EXOC6B: variants seen among roughly 807,000 people sequenced by gnomAD.
EXOC6B encodes the protein SEC15 homolog B.
A neutral mutation model predicts 113.5 loss-of-function variants in EXOC6B; 54 were observed. The ratio of observed to expected loss-of-function variants is 0.48; its 90% CI spans 0.38 to 0.60. EXOC6B has a LOEUF of 0.60. EXOC6B is among the 20% of genes least tolerant of loss of function. The probability of loss-of-function intolerance (pLI) is 0.00; values close to 1 mark genes in which losing one functional copy is unlikely to be tolerated. For synonymous variants in EXOC6B, 357 were observed against 339.0 expected, an observed-to-expected ratio of 1.05 and a Z score of -0.58; for missense variants, 797 against 977.5, an observed-to-expected ratio of 0.82 and a Z score of 2.46.
intron 20 of EXOC6B, among the ~76,000 whole-genome samples, chr2:72,270,737 A>G (rs1373031456): frequency 6.6e-6 from 1 of 151,950 alleles, no homozygotes; most frequent in Non-Finnish European, 1.5e-5. Flanking sequence ...TTAATAATTT[A>G]TTGAAATTAA....
At chr2:72,477,759 C>T (rs949319607) in intron 17 of EXOC6B, among the ~76,000 whole-genome samples, 9 of 152,174 alleles carry the variant, frequency 5.9e-5, no homozygotes, top group Admixed American at 6.5e-5. Flanking sequence ...CAGACTGACC[C>T]CCTTACTATT....
At chr2:72,816,019 C>T (rs1454095918) in intron 1 of EXOC6B, among the ~76,000 whole-genome samples, 4 of 152,116 alleles carry the variant, frequency 2.6e-5, no homozygotes, top group Admixed American at 6.6e-5. Context: ...ATCAGCCGGG[C>T]GTGGTGATGG....
At chr2:72,314,748 G>A (rs749263337) in intron 20 of EXOC6B, among the ~76,000 whole-genome samples, 4 of 152,074 alleles carry the variant, frequency 2.6e-5, no homozygotes, top group Non-Finnish European at 5.9e-5. Context: ...TTAATGGTAC[G>A]GTAGCTTGCT....
At chr2:72,429,085 T>C (rs1695376369) in intron 18 of EXOC6B, among the ~76,000 whole-genome samples, 1 of 152,248 alleles carries the variant, frequency 6.6e-6, no homozygotes, top group Non-Finnish European at 1.5e-5. Flanking sequence ...AAACAAATTA[T>C]CTTTACCTTT....
intron 19 of EXOC6B, among the ~76,000 whole-genome samples, chr2:72,359,449 A>C (rs1347001338): frequency 6.6e-6 from 1 of 152,066 alleles, no homozygotes; most frequent in Non-Finnish European, 1.5e-5. Flanking sequence ...CTCACCAGAC[A>C]CTAAACCCGA....
At chr2:72,455,141 C>A (rs1476501903) in intron 18 of EXOC6B, among the ~76,000 whole-genome samples, 1 of 152,086 alleles carries the variant, frequency 6.6e-6, no homozygotes, top group Non-Finnish European at 1.5e-5. Context: ...CCTAAAGGAT[C>A]TGATGCCTCT....
At chr2:72,642,852 C>T (rs1673368719) in intron 6 of EXOC6B, among the ~76,000 whole-genome samples, 1 of 150,712 alleles carries the variant, frequency 6.6e-6, no homozygotes, top group African/African-American at 2.5e-5. Flanking sequence ...AGAAAATTTT[C>T]ACAACCTACT....
Position 72,635,981 on chromosome 2 carries a change from C to T in EXOC6B, c.670-60313G>A, listed in dbSNP as rs1029152068. ...GGAAATCTAAAGAAGAAAAATGAGGCCAAGGCAGTAGGATTACTTGAGGCC... is the reference window on the plus strand; with the variant it reads ...GGAAATCTAAAGAAGAAAAATGAGGTCAAGGCAGTAGGATTACTTGAGGCC... On this transcript the variant is annotated intron_variant, in intron 6 of 21. Transcript: ENST00000272427. 1.1e-3 allele frequency among the ~76,000 whole-genome samples: 161 copies of T among 151,910 alleles called. 3 individuals carry two copies. The highest frequency in any genetic ancestry group is 3.2e-4 in the Non-Finnish European group (22 of 67,958).
chr2:72,385,886 G>A (rs1374102077), intron 18 of EXOC6B, among the ~76,000 whole-genome samples: 1 of 152,126 alleles, frequency 6.6e-6, no homozygotes, highest in Non-Finnish European at 1.5e-5. Context: ...ATGTGGAGAA[G>A]AGGGAACCTT....
At chr2:72,235,124 A>G (rs1415009189) in intron 20 of EXOC6B, among the ~76,000 whole-genome samples, 1 of 152,204 alleles carries the variant, frequency 6.6e-6, no homozygotes, top group African/African-American at 2.4e-5. Flanking sequence ...ACTATTCACA[A>G]TAACAAAGAC....
At chr2:72,186,443 TG>T (rs555778518) in intron 20 of EXOC6B, among the ~76,000 whole-genome samples, 126 of 152,318 alleles carry the variant, frequency 8.3e-4, no homozygotes, top group African/African-American at 2.9e-3. Context: ...CTTTCAGTAC[TG>T]TGCTTTACAC....
chr2:72,766,184 T>A (rs183851231), intron 1 of EXOC6B, among the ~76,000 whole-genome samples: 1 of 152,274 alleles, frequency 6.6e-6, no homozygotes. Context: ...GACAATAGCA[T>A]TAAGGCAGTA....
chr2:72,387,477 T>A (rs1426172530), intron 18 of EXOC6B, among the ~76,000 whole-genome samples: 1 of 152,086 alleles, frequency 6.6e-6, no homozygotes, highest in Non-Finnish European at 1.5e-5. Context: ...TGTGGGAGGG[T>A]TTTTAAAATA....
At chr2:72,761,115 G>A (rs1048426623) in intron 1 of EXOC6B, among the ~76,000 whole-genome samples, 16 of 152,230 alleles carry the variant, frequency 1.1e-4, no homozygotes, top group African/African-American at 3.9e-4. Context: ...AGGAGGAGGA[G>A]GTTGCAGTAA....
Position 72,606,635 on chromosome 2 carries a change from CT to C in EXOC6B, c.670-30968del, listed in dbSNP as rs1050116094. ...TGCAGTATATTCACTTTCTTTCTTT[CT>C]TTTTTTTTTTTAGACAGGGTCTTGT... On this transcript the variant is annotated intron_variant, in intron 6 of 21. Transcript: ENST00000272427. Among the ~76,000 whole-genome samples, 43 of 148,618 alleles carry C rather than the reference CT, an allele frequency of 2.9e-4. No individual in the cohort carries two copies. The East Asian group carries it at 5.1e-3, about 18-fold the overall frequency.
At chr2:72,497,805 G>A (rs1488863321) in intron 13 of EXOC6B, among the ~76,000 whole-genome samples, 2 of 152,092 alleles carry the variant, frequency 1.3e-5, no homozygotes, top group Non-Finnish European at 2.9e-5. Context: ...AGGAGTAAAG[G>A]TATAAAAAGA....
chr2:72,505,211 T>C lies in EXOC6B; in HGVS notation c.1168-5239A>G, dbSNP rs1700535248. On this transcript the variant is annotated intron_variant, in intron 11 of 21. Transcript: ENST00000272427. ...CTCATATTATCTTCTAAAAGATTTA[T>C]GGTTTTGGCTTTCACATTTTCATAT... Among the ~76,000 whole-genome samples the C allele has an allele frequency of 3.3e-5, 5 of 152,202 alleles. No individual in the cohort carries two copies. In the South Asian group the frequency reaches 1.0e-3, roughly 32 times the overall value.
At chr2:72,688,870 C>T (rs956289820) in intron 6 of EXOC6B, among the ~76,000 whole-genome samples, 1 of 152,088 alleles carries the variant, frequency 6.6e-6, no homozygotes, top group Admixed American at 6.6e-5. Flanking sequence ...GCACTTTTAC[C>T]AAATTATCTA....
In EXOC6B at chr2:72,619,413, G is replaced by A. The variant is rs1027572412; in HGVS notation, c.670-43745C>T. Among the ~76,000 whole-genome samples, 35 of 152,006 alleles carry A rather than the reference G, an allele frequency of 2.3e-4. 1 individual carries two copies. Among genetic ancestry groups the A allele is most frequent in the African/African-American group, 7.5e-4 (31 of 41,438 alleles). ...TGGATTGTCCATCCATTAAAAAAAT[G>A]GAAAAAGAGAAAAAAATTTGAGACA... On this transcript the variant is annotated intron_variant, in intron 6 of 21. Transcript: ENST00000272427.
Sources: allele counts gnomAD v4.1 joint callset (sites outside exome capture counted in the v4.1 genomes callset), GRCh38; gene constraint gnomAD v4.1.1; transcripts MANE v1.5; gene names NCBI Gene and HGNC (gene_info 2026-07-23, HGNC 2026-07-21).